The following PKN2 variants were observed in gnomAD, a reference collection of about 807,000 sequenced individuals.
PKN2 encodes protein kinase N2, also known as serine/threonine-protein kinase N2.
A neutral mutation model predicts 119.1 loss-of-function variants in PKN2; 38 were observed. The ratio of observed to expected loss-of-function variants is 0.32; its 90% CI spans 0.25 to 0.42. PKN2 has a LOEUF of 0.42. Among genes scored for constraint, PKN2 ranks in the 10% least tolerant of loss-of-function variants. The pLI is 1.00. For synonymous variants in PKN2, 390 were observed against 384.9 expected, an observed-to-expected ratio of 1.01 and a Z score of -0.15; for missense variants, 850 against 1,165.1, an observed-to-expected ratio of 0.73 and a Z score of 3.94.
Position 88,688,930 on chromosome 1 carries a change from T to C in PKN2, c.48+4302T>C, listed in dbSNP as rs141824560. On this transcript the variant is annotated intron_variant, in intron 1 of 21. Transcript: ENST00000370521. Reference sequence around the variant, plus strand: ...AGTTTTCTTTAATTTACATTTCTAATCCCTTCTCCCAAAAATATTCTCTTT... The same window carrying C: ...AGTTTTCTTTAATTTACATTTCTAACCCCTTCTCCCAAAAATATTCTCTTT... Among the ~76,000 whole-genome samples the C allele has an allele frequency of 6.3e-3, 958 of 152,342 alleles. 12 individuals carry two copies. The highest frequency in any genetic ancestry group is 6.0e-3 in the Non-Finnish European group (405 of 68,036).
intron 8 of PKN2, among the ~76,000 whole-genome samples, chr1:88,789,679 T>C (rs147414331): frequency 2.0e-5 from 3 of 150,770 alleles, no homozygotes; most frequent in African/African-American, 7.3e-5. Flanking sequence ...ATAATAATAA[T>C]AATAATAATA....
chr1:88,775,467 C>T (rs959234581), intron 6 of PKN2, among the ~76,000 whole-genome samples: 1 of 152,060 alleles, frequency 6.6e-6, no homozygotes. Flanking sequence ...CTGAATAATA[C>T]TCTATTGTGT....
intron 8 of PKN2, among the ~76,000 whole-genome samples, chr1:88,800,043 A>G (rs1217067965): frequency 6.6e-6 from 1 of 152,154 alleles, no homozygotes; most frequent in Non-Finnish European, 1.5e-5. Context: ...GGCAACAGAA[A>G]GCTTTTTTGA....
intron 16 of PKN2, chr1:88,816,786 C>G (rs571399897): frequency 6.6e-6 from 1 of 152,344 alleles, no homozygotes; most frequent in South Asian, 2.1e-4. Flanking sequence ...CCCGTGCTCA[C>G]TTCAGCAGCA....
At chr1:88,831,817 A>G (rs777648941) in intron 19 of PKN2, among the ~76,000 whole-genome samples, 2 of 152,084 alleles carry the variant, frequency 1.3e-5, no homozygotes, top group Non-Finnish European at 2.9e-5. Context: ...AGTGATTTTA[A>G]GGAATTAAAT....
At chr1:88,770,068 A>G (rs1669819566) in intron 3 of PKN2, among the ~76,000 whole-genome samples, 1 of 152,242 alleles carries the variant, frequency 6.6e-6, no homozygotes, top group Non-Finnish European at 1.5e-5. Flanking sequence ...GTACACTGCA[A>G]GTATATACAA....
At chr1:88,740,801 A>T (rs1041047439) in intron 1 of PKN2, among the ~76,000 whole-genome samples, 187 bp from the exon 2 acceptor site, 21 of 152,118 alleles carry the variant, frequency 1.4e-4, no homozygotes, top group African/African-American at 4.6e-4. Flanking sequence ...GAGTTCTTGA[A>T]TTTATGATTT....
chr1:88,830,125 T>C (rs972729264), intron 19 of PKN2, among the ~76,000 whole-genome samples: 3 of 152,176 alleles, frequency 2.0e-5, no homozygotes, highest in Non-Finnish European at 2.9e-5. Flanking sequence ...AAGAGATTAA[T>C]GACTTGCTTA....
At position 88,833,251 on chromosome 1, in the gene PKN2, G is replaced by T; in HGVS notation, c.2758G>T (p.Asp920Tyr). 6.2e-7 allele frequency: 1 copy of T among 1,612,900 alleles called. No homozygotes were observed. The highest frequency in any genetic ancestry group is 8.5e-7 in the Non-Finnish European group (1 of 1,179,304). ...VKKHPFFRLI[D>Y]WSALMDKKVK... ...TTTTTATTTTATGATCCAGCTAATTGATTGGAGCGCTCTGATGGACAAAAA... is the reference window on the plus strand; with the variant it reads ...TTTTTATTTTATGATCCAGCTAATTTATTGGAGCGCTCTGATGGACAAAAA... Residue 920 changes from aspartate to tyrosine, a missense_variant, in exon 22 of 22, where the codon GAT becomes TAT. Asp to Tyr is a radical substitution (Grantham distance 160). Around this residue, in one of 9 missense-constraint regions of PKN2, gnomAD observed 95 missense variants for 150.2 expected, o/e 0.63. Transcript: ENST00000370521.
intron 1 of PKN2, among the ~76,000 whole-genome samples, chr1:88,735,516 GTTTTCAT>G (rs1385548056): frequency 2.1e-5 from 3 of 144,834 alleles, no homozygotes; most frequent in Non-Finnish European, 4.5e-5. Flanking sequence ...AATTCTCTTA[GTTTTCAT>G]TTGTCTGGCA....
chr1:88,735,961 A>G (rs1173099420), intron 1 of PKN2, among the ~76,000 whole-genome samples: 1 of 152,132 alleles, frequency 6.6e-6, no homozygotes, highest in African/African-American at 2.4e-5. Flanking sequence ...GAAGCCCAGT[A>G]ACCCAAATAT....
chr1:88,806,211 A>G (rs771303662), intron 12 of PKN2, 194 bp downstream of exon 12: 33 of 555,702 alleles, frequency 5.9e-5, no homozygotes, highest in Non-Finnish European at 9.5e-5. Context: ...CTGGAGTGCA[A>G]TGGCATGATC....
At chr1:88,814,000 C>G (rs999478211) in intron 16 of PKN2, among the ~76,000 whole-genome samples, 1 of 151,768 alleles carries the variant, frequency 6.6e-6, no homozygotes, top group South Asian at 2.1e-4. Flanking sequence ...TCTTTTTTTG[C>G]TATTAGATTT....
At position 88,806,168 on chromosome 1, in the gene PKN2, T is replaced by C. The variant is rs1671529861; in HGVS notation, c.1803+151T>C. ...TTTGTTTTTTGTTTTTGTTTTTGTT[T>C]TTTGAGACAGAGTTTCACTCTTGTT... On this transcript the variant is annotated intron_variant, in intron 12 of 21. Coordinates refer to ENST00000370521, the MANE Select transcript of PKN2 (RefSeq NM_006256.4). 13 of 729,158 alleles carry C rather than the reference T, an allele frequency of 1.8e-5. No individual in the cohort carries two copies. The South Asian group carries it at 2.5e-4, about 14-fold the overall frequency. The allele number at this position is 729,158 out of a possible 1,614,324, so 45.2% of individuals were successfully genotyped here.
At chr1:88,796,498 G>C (rs558068364) in intron 8 of PKN2, among the ~76,000 whole-genome samples, 2 of 151,988 alleles carry the variant, frequency 1.3e-5, no homozygotes, top group Non-Finnish European at 2.9e-5. Context: ...TTATATTCTA[G>C]GCTTTAACTA....
Position 88,704,842 on chromosome 1 carries a change from T to A in PKN2, c.48+20214T>A, listed in dbSNP as rs191789428. On this transcript the variant is annotated intron_variant, in intron 1 of 21. Transcript: ENST00000370521. Reference sequence around the variant, plus strand: ...ACATTCTTACCAATACTTGGTACAGTTAATAGTTTTAATTTTAGCTATTCT... The same window carrying A: ...ACATTCTTACCAATACTTGGTACAGATAATAGTTTTAATTTTAGCTATTCT... 2.6e-3 allele frequency among the ~76,000 whole-genome samples: 385 copies of A among 150,826 alleles called. 1 individual carries two copies. The highest frequency in any genetic ancestry group is 8.8e-3 in the African/African-American group (357 of 40,382).
At chr1:88,827,468 T>C (rs1440158964) in intron 18 of PKN2, among the ~76,000 whole-genome samples, 1 of 151,924 alleles carries the variant, frequency 6.6e-6, no homozygotes, top group Non-Finnish European at 1.5e-5. Flanking sequence ...ATATTTTTAA[T>C]AATTTTGTGC....
chr1:88,757,340 T>A (rs1669246791), intron 2 of PKN2, among the ~76,000 whole-genome samples: 1 of 152,222 alleles, frequency 6.6e-6, no homozygotes, highest in Non-Finnish European at 1.5e-5. Context: ...ATTTATCTAT[T>A]TATTTTAGAA....
intron 16 of PKN2, among the ~76,000 whole-genome samples, chr1:88,814,226 A>G (rs1671894481): frequency 6.6e-6 from 1 of 152,198 alleles, no homozygotes; most frequent in Admixed American, 6.5e-5. Context: ...AGAAACTGGT[A>G]TGTGTGTTGC....
Sources: gnomAD v4.1 joint callset for allele counts (sites outside exome capture counted in the v4.1 genomes callset) on GRCh38, gnomAD v4.1.1 for gene constraint, gnomAD v4.1.1 regional missense constraint, MANE v1.5 for transcripts, NCBI Gene and HGNC (gene_info 2026-07-23, HGNC 2026-07-21) for gene names.